GALNT10: variants seen among roughly 807,000 people sequenced by gnomAD.
GALNT10 encodes polypeptide N-acetylgalactosaminyltransferase 10.
In GALNT10, 41 loss-of-function variants were observed where a neutral mutation model predicts 75.0. The observed-to-expected ratio is 0.55, with a 90% CI of 0.43 to 0.71. The LOEUF is 0.71. GALNT10 is among the 30% of genes least tolerant of loss of function. The pLI, the probability that GALNT10 is intolerant of heterozygous loss-of-function variation, is 0.00. For synonymous variants in GALNT10, 302 were observed against 313.0 expected, an observed-to-expected ratio of 0.96 and a Z score of 0.37; for missense variants, 727 against 818.5, an observed-to-expected ratio of 0.89 and a Z score of 1.36.
At chr5:154,194,235 TCAGGA>T (rs1369476792) in intron 1 of GALNT10, among the ~76,000 whole-genome samples, 1 of 152,248 alleles carries the variant, frequency 6.6e-6, no homozygotes, top group Non-Finnish European at 1.5e-5. Flanking sequence ...TTTTCAAGTA[TCAGGA>T]TTTCTTTCTC....
At chr5:154,368,422 A>T (rs969371391) in intron 4 of GALNT10, among the ~76,000 whole-genome samples, 1 of 152,220 alleles carries the variant, frequency 6.6e-6, no homozygotes, top group African/African-American at 2.4e-5. Context: ...ATTGCATAAT[A>T]TGTGAATTAT....
chr5:154,354,556 G>T (rs548287819), intron 4 of GALNT10, among the ~76,000 whole-genome samples: 7 of 152,306 alleles, frequency 4.6e-5, no homozygotes, highest in Admixed American at 4.6e-4. Flanking sequence ...TGACTTCCCA[G>T]TTGTGTCATC....
chr5:154,353,414 T>G (rs926456561), intron 4 of GALNT10, among the ~76,000 whole-genome samples: 2 of 152,122 alleles, frequency 1.3e-5, no homozygotes, highest in Non-Finnish European at 2.9e-5. Flanking sequence ...GGAGCAAAGC[T>G]GCAAAAAGGA....
intron 4 of GALNT10, among the ~76,000 whole-genome samples, chr5:154,346,445 T>G (rs1755125537): frequency 6.6e-6 from 1 of 152,246 alleles, no homozygotes; most frequent in Non-Finnish European, 1.5e-5. Context: ...ATTTCTTGAC[T>G]AGTGCATTCA....
intron 1 of GALNT10, among the ~76,000 whole-genome samples, chr5:154,193,279 A>C (rs563846743): frequency 1.3e-5 from 2 of 152,332 alleles, no homozygotes; most frequent in East Asian, 3.9e-4. Context: ...AGGATTCAGC[A>C]TTCATCTGCT....
At chr5:154,384,704 A>G (rs1352601935) in intron 6 of GALNT10, among the ~76,000 whole-genome samples, 1 of 152,246 alleles carries the variant, frequency 6.6e-6, no homozygotes, top group Non-Finnish European at 1.5e-5. Flanking sequence ...CTTTGCATGC[A>G]TCACCTGCTT....
At chr5:154,225,531 C>T (rs1027074974) in intron 1 of GALNT10, among the ~76,000 whole-genome samples, 4 of 151,984 alleles carry the variant, frequency 2.6e-5, no homozygotes, top group South Asian at 4.2e-4. Context: ...GCTGGGACTA[C>T]GGGCATGTGC....
At chr5:154,271,834 T>A (rs1180884873) in intron 1 of GALNT10, among the ~76,000 whole-genome samples, 1 of 152,202 alleles carries the variant, frequency 6.6e-6, no homozygotes, top group East Asian at 1.9e-4. Context: ...ATAAGCCTTC[T>A]GCAGTATGCA....
In GALNT10 at chr5:154,222,674, A is replaced by G. The variant is rs564409055; in HGVS notation, c.159+31649A>G. Among the ~76,000 whole-genome samples, 4 of 152,318 alleles carry G rather than the reference A, an allele frequency of 2.6e-5. No individual in the cohort carries two copies. The South Asian group carries it at 8.3e-4, about 32-fold the overall frequency. On this transcript the variant is annotated intron_variant, in intron 1 of 11. Coordinates refer to ENST00000297107, the MANE Select transcript of GALNT10 (RefSeq NM_198321.4). The stretch of plus-strand genomic sequence containing the variant: ...CCATTCTGGTAGATGTGAAGAAGTG[A>G]CATCTTAATGTCTCACATGAAATTT...
intron 8 of GALNT10, among the ~76,000 whole-genome samples, chr5:154,407,866 T>C (rs1415897164): frequency 6.6e-6 from 1 of 152,178 alleles, no homozygotes; most frequent in Non-Finnish European, 1.5e-5. Flanking sequence ...ATTCAGCTGT[T>C]TCCTGGTCCC....
At position 154,298,367 on chromosome 5, in the gene GALNT10, C is replaced by T. The variant is rs547054319; in HGVS notation, c.401+288C>T. On this transcript the variant is annotated intron_variant, in intron 3 of 11. Coordinates refer to ENST00000297107, the MANE Select transcript of GALNT10 (RefSeq NM_198321.4). This position sits in a 1 kb window ranked among gnomAD's most constrained non-coding sequence, Gnocchi z 4.1. Reference sequence around the variant, plus strand: ...GACCCCAGTGTAGACGACAAGTTGTCATGCAGTTTTTAACTTTCATTCTCT... The same window carrying T: ...GACCCCAGTGTAGACGACAAGTTGTTATGCAGTTTTTAACTTTCATTCTCT... 3.3e-5 allele frequency among the ~76,000 whole-genome samples: 5 copies of T among 152,212 alleles called. No individual in the cohort carries two copies. The South Asian group carries it at 8.3e-4, about 25-fold the overall frequency.
At chr5:154,311,638 TTCTCAC>T (rs1241789881) in intron 3 of GALNT10, among the ~76,000 whole-genome samples, 1 of 151,570 alleles carries the variant, frequency 6.6e-6, no homozygotes, top group African/African-American at 2.4e-5. Flanking sequence ...TTAAGACAGA[TTCTCAC>T]TCTCTTGCCC....
chr5:154,314,866 A>G (rs1312862686), intron 3 of GALNT10, among the ~76,000 whole-genome samples: 1 of 151,904 alleles, frequency 6.6e-6, no homozygotes, highest in Non-Finnish European at 1.5e-5. Flanking sequence ...AAAAAAAAAG[A>G]CTGAAATTGC....
intron 4 of GALNT10, among the ~76,000 whole-genome samples, chr5:154,369,645 A>G (rs1030099211): frequency 1.2e-4 from 19 of 152,332 alleles, no homozygotes; most frequent in Middle Eastern, 3.4e-3. Flanking sequence ...CAAGATTTAC[A>G]AGTGAATAAG....
At chr5:154,337,108 G>A (rs17115960) in intron 4 of GALNT10, among the ~76,000 whole-genome samples, 12,018 of 151,956 alleles carry the variant, frequency 0.079, 520 homozygotes, top group Middle Eastern at 0.18. Context: ...TACTGTATAC[G>A]TTACTTTACA....
At chr5:154,295,939 ATTT>A (rs904116702) in intron 2 of GALNT10, among the ~76,000 whole-genome samples, 1 of 152,156 alleles carries the variant, frequency 6.6e-6, no homozygotes. Flanking sequence ...ACCACTATTG[ATTT>A]TTTAAAGTTA....
intron 1 of GALNT10, among the ~76,000 whole-genome samples, chr5:154,293,260 A>G (rs1754222314): frequency 6.6e-6 from 1 of 152,206 alleles, no homozygotes; most frequent in Non-Finnish European, 1.5e-5. Flanking sequence ...AGGAAATAGC[A>G]CTATTGGATT....
intron 4 of GALNT10, among the ~76,000 whole-genome samples, chr5:154,366,933 C>A (rs1240200658): frequency 6.6e-6 from 1 of 152,154 alleles, no homozygotes; most frequent in Non-Finnish European, 1.5e-5. Context: ...CAGAGGACCA[C>A]CTGTCTCAGG....
chr5:154,285,296 C>G (rs562401547), intron 1 of GALNT10, among the ~76,000 whole-genome samples: 1 of 152,270 alleles, frequency 6.6e-6, no homozygotes, highest in Non-Finnish European at 1.5e-5. Context: ...TAGGATTTCT[C>G]TCTTCTTTCT....
Sources: allele counts gnomAD v4.1 joint callset (sites outside exome capture counted in the v4.1 genomes callset), GRCh38; gene constraint gnomAD v4.1.1; non-coding constraint Gnocchi (gnomAD v3.1); transcripts MANE v1.5; gene names NCBI Gene and HGNC (gene_info 2026-07-23, HGNC 2026-07-21).